The following PRKDC variants were observed in gnomAD, a reference collection of about 807,000 sequenced individuals.
The protein encoded by PRKDC is protein kinase, DNA-activated, catalytic subunit, also known as DNA-dependent protein kinase catalytic subunit.
A neutral mutation model predicts 486.9 loss-of-function variants in PRKDC; 82 were observed. The ratio of observed to expected loss-of-function variants is 0.17; its 90% CI spans 0.14 to 0.20. The LOEUF (loss-of-function observed/expected upper bound fraction) is 0.20, where lower values mean the gene tolerates loss of function less well. PRKDC is among the 10% of genes least tolerant of loss of function. The probability of loss-of-function intolerance (pLI) is 1.00; values close to 1 mark genes in which losing one functional copy is unlikely to be tolerated. For synonymous variants in PRKDC, 1,895 were observed against 1,837.0 expected, an observed-to-expected ratio of 1.03 and a Z score of -0.81; for missense variants, 4,504 against 5,038.2, an observed-to-expected ratio of 0.89 and a Z score of 3.21.
At chr8:47,914,333 T>G (rs1007112902) in intron 23 of PRKDC, among the ~76,000 whole-genome samples, 48 of 152,188 alleles carry the variant, frequency 3.2e-4, no homozygotes, top group Non-Finnish European at 6.2e-4. Context: ...CTTAAAGTAT[T>G]TTGTAGAAGA....
In PRKDC at chr8:47,785,300, A is replaced by G. The variant is rs1410956751; in HGVS notation, c.10920T>C (p.Phe3640=). 1 of 1,590,326 alleles carries G rather than the reference A, an allele frequency of 6.3e-7. No individual in the cohort carries two copies. The highest frequency in any genetic ancestry group is 1.1e-5 in the South Asian group (1 of 88,164). The part of the protein sequence containing the change: ...RKFIQTFGKE[F]DKHFGKGGSK... Reference sequence around the variant, plus strand: ...AACCTCCTTTCCCAAAATGTTTATCAAATTCTTTTCCAAAAGTCTGAAATT... The same window carrying G: ...AACCTCCTTTCCCAAAATGTTTATCGAATTCTTTTCCAAAAGTCTGAAATT... Residue 3640 remains phenylalanine (F), a synonymous_variant, in exon 77 of 86, where the codon TTT becomes TTC. Transcript: ENST00000314191.
chr8:47,842,320 T>G (rs993868539), intron 54 of PRKDC, among the ~76,000 whole-genome samples: 1 of 152,196 alleles, frequency 6.6e-6, no homozygotes, highest in African/African-American at 2.4e-5. Flanking sequence ...AGAGTCTATC[T>G]GCTAGCCCTT....
At chr8:47,865,115 T>C (rs2088777055) in intron 40 of PRKDC, among the ~76,000 whole-genome samples, 1 of 152,286 alleles carries the variant, frequency 6.6e-6, no homozygotes, top group Non-Finnish European at 1.5e-5. Context: ...TGGCTGGGCG[T>C]GGTGGCTCAC....
At chr8:47,908,476 C>T (rs1167439865) in intron 25 of PRKDC, among the ~76,000 whole-genome samples, 1 of 152,160 alleles carries the variant, frequency 6.6e-6, no homozygotes, top group South Asian at 2.1e-4. Context: ...ATGTGTCTCC[C>T]TATCTGTACA....
intron 18 of PRKDC, 127 bp downstream of exon 18, chr8:47,929,726 A>G: frequency 1.8e-6 from 2 of 1,104,054 alleles, no homozygotes; most frequent in African/African-American, 1.7e-5. Context: ...CAATTTTTTT[A>G]AACACATAGA....
At chr8:47,873,133 T>C (rs979131044) in intron 40 of PRKDC, among the ~76,000 whole-genome samples, 2 of 149,292 alleles carry the variant, frequency 1.3e-5, no homozygotes, top group South Asian at 2.1e-4. Context: ...AGCATGGAGG[T>C]TGCTGAAAAA....
chr8:47,950,584 A>G (rs1198963996), intron 7 of PRKDC, among the ~76,000 whole-genome samples: 3 of 150,630 alleles, frequency 2.0e-5, no homozygotes, highest in Non-Finnish European at 4.4e-5. Context: ...AGCCAAGATC[A>G]TGCCACTGCA....
At chr8:47,956,648 A>G (rs1249361633) in intron 3 of PRKDC, among the ~76,000 whole-genome samples, 1 of 152,062 alleles carries the variant, frequency 6.6e-6, no homozygotes, top group African/African-American at 2.4e-5. Flanking sequence ...GGCTGCAGTG[A>G]GCCATGATTG....
chr8:47,858,411 G>A (rs1368377915), intron 48 of PRKDC, 105 bp downstream of exon 48: 1 of 1,143,848 alleles, frequency 8.7e-7, no homozygotes, highest in East Asian at 2.9e-5. Flanking sequence ...TTTTTTGTGT[G>A]TGTTTTTAAG....
Position 47,776,988 on chromosome 8 carries a change from A to G in PRKDC, c.12043-5T>C. ...CAGCATTTTCTGTTCAAAATTCTAG[A>G]AGAAAAGAACATGATTTTCCCGGCT... On this transcript the variant is annotated splice_polypyrimidine_tract_variant and splice_region_variant and intron_variant, in intron 84 of 85. Coordinates refer to ENST00000314191, the MANE Select transcript of PRKDC (RefSeq NM_006904.7). 1 of 1,608,208 alleles carries G rather than the reference A, an allele frequency of 6.2e-7. No homozygotes were observed. The highest frequency in any genetic ancestry group is 8.5e-7 in the Non-Finnish European group (1 of 1,178,376).
At chr8:47,797,933 T>A (rs1179961082) in intron 73 of PRKDC, among the ~76,000 whole-genome samples, 1 of 152,192 alleles carries the variant, frequency 6.6e-6, no homozygotes, top group Non-Finnish European at 1.5e-5. Flanking sequence ...CACAGCCTCA[T>A]CTGCAGGGGC....
rs1186895035 is a variant in PRKDC at position 47,783,779 on chromosome 8, G to A, written c.11138C>T (p.Pro3713Leu). The A allele has an allele frequency of 6.2e-7, 1 of 1,613,912 alleles. No homozygotes were observed. The highest frequency in any genetic ancestry group is 1.7e-5 in the Admixed American group (1 of 60,004). ...GQYDGRGKPL[P>L]EYHVRIAGFD... ...CCCGGCGATTCGCACGTGGTACTCTGGCAATGGCTTTCCCCTACCGTCATA... is the reference window on the plus strand; with the variant it reads ...CCCGGCGATTCGCACGTGGTACTCTAGCAATGGCTTTCCCCTACCGTCATA... Residue 3713 changes from proline (P) to leucine (L), a missense_variant, in exon 78 of 86, where the codon CCA becomes CTA. Physicochemically the swap from Pro to Leu is moderately conservative, Grantham distance 98. This residue lies in a region of PRKDC where 706 missense variants were observed against 945.0 expected (regional missense o/e 0.75). Transcript: ENST00000314191.
chr8:47,852,275 CT>C (rs2088425872), intron 52 of PRKDC, among the ~76,000 whole-genome samples: 1 of 152,172 alleles, frequency 6.6e-6, no homozygotes, highest in South Asian at 2.1e-4. Context: ...ATCCCTGCCC[CT>C]GTTCAACAGC....
At chr8:47,864,171 T>C (rs1048180483) in intron 41 of PRKDC, among the ~76,000 whole-genome samples, 2 of 151,958 alleles carry the variant, frequency 1.3e-5, no homozygotes, top group African/African-American at 2.4e-5. Flanking sequence ...GGAGATTAGA[T>C]AGACAGGAAA....
intron 39 of PRKDC, among the ~76,000 whole-genome samples, chr8:47,878,071 T>C (rs1232473578): frequency 2.6e-5 from 4 of 151,520 alleles, no homozygotes; most frequent in Admixed American, 2.0e-4. Flanking sequence ...CACTATATAC[T>C]GAGCCTAGAT....
At position 47,863,440 on chromosome 8, in the gene PRKDC, C is replaced by T. The variant is rs200137917; in HGVS notation, c.5709G>A (p.Ser1903=). 981 of 1,611,338 alleles carry T rather than the reference C, an allele frequency of 6.1e-4. 1 individual carries two copies. The highest frequency in any genetic ancestry group is 5.5e-3 in the Middle Eastern group (33 of 6,052). Residue 1903 remains serine (S), a synonymous_variant, in exon 42 of 86, where the codon TCG becomes TCA. Transcript: ENST00000314191. ...ESKINQVFHG[S]CITEGNELTK... ...TAAGTTCATTTCCTTCTGTAATACA[C>T]GAGCCATGGAAAACTTGATTAATTT...
At chr8:47,829,739 G>C (rs2087821139) in intron 61 of PRKDC, among the ~76,000 whole-genome samples, 3 of 152,014 alleles carry the variant, frequency 2.0e-5, no homozygotes, top group African/African-American at 7.2e-5. Context: ...TCTTTACAAG[G>C]AGAACTAAAA....
intron 68 of PRKDC, among the ~76,000 whole-genome samples, chr8:47,811,170 C>A (rs1189174862): frequency 1.3e-5 from 2 of 152,110 alleles, no homozygotes; most frequent in African/African-American, 2.4e-5. Flanking sequence ...GAAAAAAAAT[C>A]TTGAATGCAG....
intron 36 of PRKDC, among the ~76,000 whole-genome samples, chr8:47,882,933 T>C (rs2089252069): frequency 6.6e-6 from 1 of 152,214 alleles, no homozygotes; most frequent in South Asian, 2.1e-4. Flanking sequence ...TCTAAGCCTA[T>C]CAGGTCTATC....
Sources: allele counts gnomAD v4.1 joint callset (sites outside exome capture counted in the v4.1 genomes callset), GRCh38; gene constraint gnomAD v4.1.1; regional missense constraint gnomAD v4.1.1; transcripts MANE v1.5; gene names NCBI Gene and HGNC (gene_info 2026-07-23, HGNC 2026-07-21).